The following MGAT4C variants were observed in gnomAD, a reference collection of about 807,000 sequenced individuals.
MGAT4C encodes the protein alpha-1,3-mannosyl-glycoprotein 4-beta-N-acetylglucosaminyltransferase C.
In MGAT4C, 19 loss-of-function variants were observed where a neutral mutation model predicts 40.1. The ratio of observed to expected loss-of-function variants is 0.47; its 90% CI spans 0.33 to 0.70. The LOEUF is 0.70. Among genes scored for constraint, MGAT4C ranks in the 30% least tolerant of loss-of-function variants. MGAT4C has a pLI of 0.02. For synonymous variants in MGAT4C, 181 were observed against 187.1 expected (o/e 0.97, Z 0.27); for missense variants, 491 against 563.2 (o/e 0.87, Z 1.30).
chr12:86,199,756 A>C (rs1220147946), intron 1 of MGAT4C, among the ~76,000 whole-genome samples: 1 of 152,294 alleles, frequency 6.6e-6, no homozygotes, highest in East Asian at 1.9e-4. Flanking sequence ...AATAAATGTA[A>C]CATTGTTATT....
At chr12:86,353,248 T>C (rs1955217354) in intron 3 of MGAT4C, among the ~76,000 whole-genome samples, 2 of 152,158 alleles carry the variant, frequency 1.3e-5, no homozygotes, top group South Asian at 2.1e-4. Flanking sequence ...ATGATAGGAA[T>C]TGCAGAATTG....
intron 2 of MGAT4C, among the ~76,000 whole-genome samples, chr12:86,652,427 C>T (rs981453329): frequency 4.0e-5 from 6 of 151,878 alleles, no homozygotes; most frequent in African/African-American, 1.4e-4. Context: ...CTGGAGATCT[C>T]AGTTACTCTC....
intron 2 of MGAT4C, among the ~76,000 whole-genome samples, chr12:86,657,393 G>T (rs192659225): frequency 6.6e-6 from 1 of 151,740 alleles, no homozygotes; most frequent in Non-Finnish European, 1.5e-5. Context: ...AAAAGAGGAA[G>T]TAAAGAAGGG....
At position 86,576,428 on chromosome 12, in the gene MGAT4C, G is replaced by C. The variant is rs905183816; in HGVS notation, c.-228-141163C>G. 3.3e-5 allele frequency among the ~76,000 whole-genome samples: 5 copies of C among 151,942 alleles called. No homozygotes were observed. In the East Asian group the frequency reaches 9.7e-4, roughly 29 times the overall value. The stretch of plus-strand genomic sequence containing the variant: ...GACCAGTGTCCTGAGACTTCCCCCA[G>C]TGTTTTCATGCAGTTGTCAGATAGT... On this transcript the variant is annotated intron_variant, in intron 2 of 7. Transcript: ENST00000548651.
chr12:86,698,411 C>T (rs912768966), intron 2 of MGAT4C, among the ~76,000 whole-genome samples: 1 of 151,640 alleles, frequency 6.6e-6, no homozygotes, highest in African/African-American at 2.4e-5. Flanking sequence ...GTGAACTTAA[C>T]AGATTGGCAA....
intron 2 of MGAT4C, among the ~76,000 whole-genome samples, chr12:86,507,571 G>A (rs1320786543): frequency 6.6e-6 from 1 of 152,150 alleles, no homozygotes; most frequent in African/African-American, 2.4e-5. Flanking sequence ...GCAGATTAGA[G>A]ACACAGGAAG....
chr12:86,235,383 C>CA (rs1372599714), intron 1 of MGAT4C, among the ~76,000 whole-genome samples: 1 of 152,004 alleles, frequency 6.6e-6, no homozygotes, highest in Non-Finnish European at 1.5e-5. Flanking sequence ...TAAATGTATT[C>CA]ATGTCACTAT....
intron 1 of MGAT4C, among the ~76,000 whole-genome samples, chr12:86,180,715 A>C (rs1248375106): frequency 6.6e-6 from 1 of 152,166 alleles, no homozygotes; most frequent in African/African-American, 2.4e-5. Flanking sequence ...TCCTATTTGG[A>C]ATGGCTATAT....
intron 2 of MGAT4C, among the ~76,000 whole-genome samples, chr12:86,629,706 G>A (rs4454789): frequency 0.78 from 118,319 of 152,002 alleles, 47,391 homozygotes; most frequent in Middle Eastern, 0.88. Context: ...TGAAACCAAT[G>A]AGAACAAAGA....
At chr12:86,725,754 C>T (rs1478309736) in intron 2 of MGAT4C, among the ~76,000 whole-genome samples, 4 of 152,306 alleles carry the variant, frequency 2.6e-5, no homozygotes, top group Admixed American at 6.5e-5. Context: ...TGAGCCACCG[C>T]GCCCGGCCCA....
chr12:86,326,333 C>CACAT (rs200764814), intron 4 of MGAT4C, among the ~76,000 whole-genome samples: 204 of 148,590 alleles, frequency 1.4e-3, no homozygotes, highest in African/African-American at 4.8e-3. Flanking sequence ...CACACACACA[C>CACAT]GGTAATTATG....
At position 86,302,522 on chromosome 12, in the gene MGAT4C, G is replaced by A. The variant is rs1317881415; in HGVS notation, c.-57+31543C>T. On this transcript the variant is annotated intron_variant, in intron 4 of 7. Coordinates refer to the MGAT4C transcript ENST00000548651. Reference sequence around the variant, plus strand: ...GGGCGCACTGCAACCTCTGCCTCCCGGGCTAAAGCGATTCTCCTGCCTCAG... The same window carrying A: ...GGGCGCACTGCAACCTCTGCCTCCCAGGCTAAAGCGATTCTCCTGCCTCAG... Among the ~76,000 whole-genome samples the A allele has an allele frequency of 6.0e-5, 9 of 150,362 alleles. 1 individual carries two copies. Among genetic ancestry groups the A allele is most frequent in the Admixed American group, 2.0e-4 (3 of 15,224 alleles).
chr12:86,293,145 T>C (rs1048239666), intron 4 of MGAT4C, among the ~76,000 whole-genome samples: 1 of 152,184 alleles, frequency 6.6e-6, no homozygotes, highest in Non-Finnish European at 1.5e-5. Flanking sequence ...AAATTTGAAG[T>C]AGAAATTGAA....
At chr12:86,707,598 A>T (rs1471075314) in intron 2 of MGAT4C, among the ~76,000 whole-genome samples, 2 of 150,324 alleles carry the variant, frequency 1.3e-5, no homozygotes, top group Admixed American at 6.7e-5. Flanking sequence ...TGGCACAATC[A>T]CAGCTCACTG....
chr12:86,095,385 G>C (rs1036378242), intron 1 of MGAT4C, among the ~76,000 whole-genome samples: 1 of 151,830 alleles, frequency 6.6e-6, no homozygotes, highest in Non-Finnish European at 1.5e-5. Flanking sequence ...AGTACATTTT[G>C]TTATCTTATT....
intron 2 of MGAT4C, among the ~76,000 whole-genome samples, chr12:86,440,827 A>G (rs1957214553): frequency 6.6e-6 from 1 of 152,090 alleles, no homozygotes; most frequent in South Asian, 2.1e-4. Flanking sequence ...TCTATATGCC[A>G]ATAACAACCA....
intron 3 of MGAT4C, among the ~76,000 whole-genome samples, chr12:86,399,668 A>C (rs1042860671): frequency 2.0e-5 from 3 of 152,128 alleles, no homozygotes; most frequent in African/African-American, 7.2e-5. Flanking sequence ...AGGAGAAAGT[A>C]AGGTGAGCTT....
At chr12:86,521,787 GT>G (rs1200026838) in intron 2 of MGAT4C, among the ~76,000 whole-genome samples, 2 of 151,980 alleles carry the variant, frequency 1.3e-5, no homozygotes, top group African/African-American at 4.8e-5. Flanking sequence ...TTTGGGCAGT[GT>G]TTTGTAGTTC....
At chr12:86,501,628 C>A (rs1004693521) in intron 2 of MGAT4C, among the ~76,000 whole-genome samples, 3 of 151,908 alleles carry the variant, frequency 2.0e-5, no homozygotes, top group South Asian at 4.1e-4. Context: ...GTTTGCTGAG[C>A]ATAATGGCTC....
Sources: allele counts gnomAD v4.1 joint callset (sites outside exome capture counted in the v4.1 genomes callset), GRCh38; gene constraint gnomAD v4.1.1; transcripts MANE v1.5; gene names NCBI Gene and HGNC (gene_info 2026-07-23, HGNC 2026-07-21).